Variants in ADRA1A observed in about 807,000 individuals in gnomAD.
ADRA1A encodes the protein alpha-1A adrenergic receptor.
Under a neutral mutation model 29.6 loss-of-function variants are expected in ADRA1A, and 31 were observed. The ratio of observed to expected loss-of-function variants is 1.05; its 90% CI spans 0.79 to 1.41. ADRA1A has a LOEUF of 1.41. ADRA1A is among the 40% of genes most tolerant of loss of function. The pLI, the probability that ADRA1A is intolerant of heterozygous loss-of-function variation, is 0.00. For synonymous variants in ADRA1A, 311 were observed against 254.3 expected, an observed-to-expected ratio of 1.22 and a Z score of -2.12; for missense variants, 619 against 601.1, an observed-to-expected ratio of 1.03 and a Z score of -0.31.
rs184447502 is a variant in ADRA1A, at chr8:26,782,908, G to T, written c.884-12242C>A. ...GCCTTCCTCTCACTTGTCCAAGCCA[G>T]AAACCCACTGTCATCCTCAACCGTC... On this transcript the variant is annotated intron_variant, in intron 2 of 2. Transcript: ENST00000380573. Among the ~76,000 whole-genome samples, 4 of 152,094 alleles carry T rather than the reference G, an allele frequency of 2.6e-5. No individual in the cohort carries two copies. The East Asian group carries it at 7.7e-4, about 29-fold the overall frequency.
chr8:26,800,219 A>T (rs929467553), intron 2 of ADRA1A, among the ~76,000 whole-genome samples: 6 of 152,170 alleles, frequency 3.9e-5, no homozygotes, highest in Admixed American at 3.3e-4. Context: ...AGATCGTGCC[A>T]CTGCACCCTA....
chr8:26,833,426 C>T (rs990771491), intron 2 of ADRA1A, among the ~76,000 whole-genome samples: 1 of 152,164 alleles, frequency 6.6e-6, no homozygotes, highest in African/African-American at 2.4e-5. Flanking sequence ...TGGGTTCAAA[C>T]TGGAACCAAA....
intron 2 of ADRA1A, among the ~76,000 whole-genome samples, chr8:26,838,518 G>T (rs1040483678): frequency 6.6e-6 from 1 of 152,106 alleles, no homozygotes; most frequent in African/African-American, 2.4e-5. Flanking sequence ...CTGTGCTTAG[G>T]CCCTGAGGAT....
intron 2 of ADRA1A, among the ~76,000 whole-genome samples, chr8:26,812,787 C>T (rs1166998379): frequency 6.6e-6 from 1 of 151,850 alleles, no homozygotes; most frequent in Non-Finnish European, 1.5e-5. Context: ...GCCTCAGCCT[C>T]CCGAGTAGCT....
intron 2 of ADRA1A, among the ~76,000 whole-genome samples, chr8:26,858,317 C>T (rs1813194274): frequency 6.6e-6 from 1 of 152,196 alleles, no homozygotes; most frequent in Non-Finnish European, 1.5e-5. Flanking sequence ...GTGATTGTTG[C>T]CTTTTCATCT....
chr8:26,770,346 A>G lies in ADRA1A; in HGVS notation c.1204T>C (p.Ser402Pro). The G allele has an allele frequency of 6.2e-7, 1 of 1,614,182 alleles. No individual in the cohort carries two copies. The highest frequency in any genetic ancestry group is 8.5e-7 in the Non-Finnish European group (1 of 1,180,022). Residue 402 changes from serine to proline, a missense_variant, in exon 3 of 3, where the codon TCC (serine) becomes CCC (proline). Transcript: ENST00000380573. ...DGVCEWKFFS[S>P]MPRGSARITV... Reference sequence around the variant, plus strand: ...ATCCTGGCAGATCCACGGGGCATGGAAGAGAAAAATTTCCATTCACAAACG... The same window carrying G: ...ATCCTGGCAGATCCACGGGGCATGGGAGAGAAAAATTTCCATTCACAAACG...
chr8:26,748,267 C>A (rs1027887320), exon 3 of ADRA1A: 19 of 156,960 alleles, frequency 1.2e-4, no homozygotes, highest in African/African-American at 4.6e-4. Context: ...TCTAGAGGCC[C>A]CTCACCAGTC....
At chr8:26,837,420 G>A (rs1811459988) in intron 2 of ADRA1A, among the ~76,000 whole-genome samples, 1 of 152,154 alleles carries the variant, frequency 6.6e-6, no homozygotes, top group Non-Finnish European at 1.5e-5. Flanking sequence ...GGAGGCTGAG[G>A]AGGGCAGATC....
chr8:26,853,450 G>A (rs1443181576), intron 2 of ADRA1A, among the ~76,000 whole-genome samples: 1 of 152,148 alleles, frequency 6.6e-6, no homozygotes, highest in African/African-American at 2.4e-5. Flanking sequence ...TATTCATCCA[G>A]GCCTTAACCT....
chr8:26,814,748 T>G (rs1809648003), intron 2 of ADRA1A, among the ~76,000 whole-genome samples: 1 of 152,228 alleles, frequency 6.6e-6, no homozygotes, highest in Non-Finnish European at 1.5e-5. Context: ...ATAATGGTGG[T>G]TACTTTAGGA....
In ADRA1A at chr8:26,806,300, A is replaced by AT. The variant is rs71216780; in HGVS notation, c.884-35635dup. Among the ~76,000 whole-genome samples, 1,130 of 141,760 alleles carry AT rather than the reference A, an allele frequency of 8.0e-3. 10 individuals carry two copies. The highest frequency in any genetic ancestry group is 0.041 in the Middle Eastern group (11 of 270). 93.0% of individuals were successfully genotyped at this position (141,760 alleles called of 152,430 possible). On this transcript the variant is annotated intron_variant, in intron 2 of 2. Coordinates refer to ENST00000380573, the MANE Select transcript of ADRA1A (RefSeq NM_000680.4). The surrounding 1 kb of genome is among the most constrained non-coding windows in gnomAD (Gnocchi z 4.6). ...CAGAAGCTGGGTGTTTACACCAAAGATTTTTTTTTTTTTTTCGAAAGCTGC... is the reference window on the plus strand; with the variant it reads ...CAGAAGCTGGGTGTTTACACCAAAGATTTTTTTTTTTTTTTTCGAAAGCTGC...
At chr8:26,829,702 G>A (rs1810832629) in intron 2 of ADRA1A, among the ~76,000 whole-genome samples, 1 of 152,070 alleles carries the variant, frequency 6.6e-6, no homozygotes, top group African/African-American at 2.4e-5. Flanking sequence ...AGCACTCCCT[G>A]TATTTGGAGT....
chr8:26,754,867 G>A (rs564686477), downstream of ADRA1A, among the ~76,000 whole-genome samples: 1 of 152,256 alleles, frequency 6.6e-6, no homozygotes, highest in African/African-American at 2.4e-5. Context: ...TGTAACACAA[G>A]CAGACACTCT....
Position 26,769,969 on chromosome 8 carries a change from C to A in ADRA1A, c.*180G>T. On this transcript the variant is annotated 3_prime_UTR_variant, in exon 3 of 3. Transcript: ENST00000380573. Reference sequence around the variant, plus strand: ...TTCTGAACTGGTTGGTTGTGAGACACCCTCCCTCTTCCCTGTGCCCTACCC... The same window carrying A: ...TTCTGAACTGGTTGGTTGTGAGACAACCTCCCTCTTCCCTGTGCCCTACCC... 2.1e-6 allele frequency: 3 copies of A among 1,396,442 alleles called. No homozygotes were observed. Among genetic ancestry groups the A allele is most frequent in the Non-Finnish European group, 2.8e-6 (3 of 1,079,480 alleles). The allele number at this position is 1,396,442 out of a possible 1,614,324, so 86.5% of individuals were successfully genotyped here.
chr8:26,763,719 C>T (rs571363683), downstream of ADRA1A, among the ~76,000 whole-genome samples: 21 of 152,346 alleles, frequency 1.4e-4, no homozygotes, highest in African/African-American at 3.4e-4. This position sits in a 1 kb window ranked among gnomAD's most constrained non-coding sequence, Gnocchi z 4.5. Flanking sequence ...TAGATCATGA[C>T]GGCAAATTAC....
intron 2 of ADRA1A, among the ~76,000 whole-genome samples, chr8:26,757,623 TG>T (rs1282716283): frequency 1.3e-5 from 2 of 152,120 alleles, no homozygotes; most frequent in East Asian, 3.9e-4. Context: ...AGCCAGGCTT[TG>T]GGGGTATTAT....
intron 2 of ADRA1A, among the ~76,000 whole-genome samples, chr8:26,760,442 C>T (rs1451477762): frequency 6.6e-6 from 1 of 152,202 alleles, no homozygotes; most frequent in African/African-American, 2.4e-5. Flanking sequence ...CAAATCCAAA[C>T]AGTGCAGCTT....
intron 2 of ADRA1A, among the ~76,000 whole-genome samples, chr8:26,771,370 T>G (rs1186614364): frequency 2.0e-5 from 3 of 152,226 alleles, no homozygotes; most frequent in Admixed American, 2.0e-4. Context: ...TAGTTGCTAT[T>G]TTTTCTCTAG....
Position 26,770,226 on chromosome 8 carries a change from T to G in ADRA1A, c.1324A>C (p.Ser442Arg), listed in dbSNP as rs138751075. 1 of 1,610,086 alleles carries G rather than the reference T, an allele frequency of 6.2e-7. No individual in the cohort carries two copies. The highest frequency in any genetic ancestry group is 1.1e-5 in the South Asian group (1 of 90,570). The change falls in exon 3 of 3, where the codon AGC (serine) becomes CGC (arginine). Residue 442 changes from serine (S) to arginine (R), a missense_variant. Ser to Arg is a moderately radical substitution (Grantham distance 110, BLOSUM62 -1). Transcript: ENST00000380573. ...GGAACTTGATGGTTCTTGTCAAGGCTGGGGGTTGAGGGCCCTACACAGCAG... is the reference window on the plus strand; with the variant it reads ...GGAACTTGATGGTTCTTGTCAAGGCGGGGGGTTGAGGGCCCTACACAGCAG... ...VCCCVGPSTP[S>R]LDKNHQVPTI...
Sources: gnomAD v4.1 joint callset for allele counts (sites outside exome capture counted in the v4.1 genomes callset) on GRCh38, gnomAD v4.1.1 for gene constraint, Gnocchi (gnomAD v3.1) non-coding constraint, MANE v1.5 for transcripts, NCBI Gene and HGNC (gene_info 2026-07-23, HGNC 2026-07-21) for gene names.